Variants in DCPS observed in about 807,000 individuals in gnomAD.
The protein encoded by DCPS is decapping enzyme, scavenger.
Under a neutral mutation model 34.7 loss-of-function variants are expected in DCPS, and 27 were observed. The ratio of observed to expected loss-of-function variants is 0.78; its 90% confidence interval spans 0.57 to 1.07. DCPS has a LOEUF of 1.07. Ranked by LOEUF, DCPS falls within the 50% of genes least tolerant of loss-of-function variation. DCPS has a pLI of 0.00. For synonymous variants in DCPS, 185 were observed against 185.7 expected (o/e 1.00, Z 0.03); for missense variants, 464 against 436.9 (o/e 1.06, Z -0.55).
chr11:126,308,326 A>G (rs1008186841), intron 2 of DCPS, among the ~76,000 whole-genome samples: 2 of 152,204 alleles, frequency 1.3e-5, no homozygotes, highest in African/African-American at 4.8e-5. Flanking sequence ...TTTGCCCTCC[A>G]GCATTTAAGA....
Position 126,342,765 on chromosome 11 carries a change from G to A in DCPS, c.637-542G>A, listed in dbSNP as rs777063874. Among the ~76,000 whole-genome samples the A allele has an allele frequency of 3.3e-5, 5 of 152,036 alleles. No individual in the cohort carries two copies. The highest frequency in any genetic ancestry group is 2.1e-4 in the South Asian group (1 of 4,802). On this transcript the variant is annotated intron_variant, in intron 4 of 5. Transcript: ENST00000263579. The surrounding 1 kb of genome is among the most constrained non-coding windows in gnomAD (Gnocchi z 4.4). ...CTTGAACCTCCTGGCTCCCTGCCCCGACAGCTCTGGGGAGTGAGCATATAG... is the reference window on the plus strand; with the variant it reads ...CTTGAACCTCCTGGCTCCCTGCCCCAACAGCTCTGGGGAGTGAGCATATAG...
At chr11:126,330,332 A>G (rs1951773118) in intron 2 of DCPS, among the ~76,000 whole-genome samples, 1 of 152,316 alleles carries the variant, frequency 6.6e-6, no homozygotes, top group South Asian at 2.1e-4. Flanking sequence ...AGAATTATCC[A>G]GGCCAAAATG....
chr11:126,343,565 T>C (rs1951894502), intron 5 of DCPS, 148 bp downstream of exon 5: 1 of 705,630 alleles, frequency 1.4e-6, no homozygotes, highest in Non-Finnish European at 2.4e-6. Flanking sequence ...CATTAGGCTC[T>C]TGAGGTTGAA....
rs948467160 is a variant in DCPS at position 126,312,530 on chromosome 11, G to A, written c.376+5786G>A. Among the ~76,000 whole-genome samples, 1 of 151,890 alleles carries A rather than the reference G, an allele frequency of 6.6e-6. No homozygotes were observed. Among genetic ancestry groups the A allele is most frequent in the East Asian group, 1.9e-4 (1 of 5,156 alleles). ...ATTTTTTTGTATTTTTAATAGAGATGGGTTTTCACCACGTTGGCCAGGCTG... is the reference window on the plus strand; with the variant it reads ...ATTTTTTTGTATTTTTAATAGAGATAGGTTTTCACCACGTTGGCCAGGCTG... On this transcript the variant is annotated intron_variant, in intron 2 of 5. Coordinates refer to ENST00000263579, the MANE Select transcript of DCPS (RefSeq NM_014026.6). This position sits in a 1 kb window ranked among gnomAD's most constrained non-coding sequence, Gnocchi z 5.1.
chr11:126,338,480 C>G lies in DCPS; in HGVS notation c.636+81C>G. ...GTCCTTCTGACTGCCCTCTTTCTCA[C>G]GCTGGCCTGTCTCTAAGCAGATTAT... On this transcript the variant is annotated intron_variant, in intron 4 of 5. Coordinates refer to ENST00000263579, the MANE Select transcript of DCPS (RefSeq NM_014026.6). This position sits in a 1 kb window ranked among gnomAD's most constrained non-coding sequence, Gnocchi z 5.4. 7.7e-7 allele frequency: 1 copy of G among 1,294,586 alleles called. No individual in the cohort carries two copies. Among genetic ancestry groups the G allele is most frequent in the Non-Finnish European group, 1.1e-6 (1 of 892,650 alleles). The allele number at this position is 1,294,586 out of a possible 1,614,324, so 80.2% of individuals were successfully genotyped here.
rs534588929 is a variant in DCPS, at chr11:126,322,106, G to T, written c.377-9299G>T. ...GAACATGATTTTTAAGATTGAAAGGGCTCAGCAATTACCTAGCACAATGGA... is the reference window on the plus strand; with the variant it reads ...GAACATGATTTTTAAGATTGAAAGGTCTCAGCAATTACCTAGCACAATGGA... On this transcript the variant is annotated intron_variant, in intron 2 of 5. Transcript: ENST00000263579. The surrounding 1 kb of genome is among the most constrained non-coding windows in gnomAD (Gnocchi z 4.2). Among the ~76,000 whole-genome samples, 3 of 152,214 alleles carry T rather than the reference G, an allele frequency of 2.0e-5. No homozygotes were observed. In the South Asian group the frequency reaches 6.2e-4, roughly 32 times the overall value.
Position 126,322,017 on chromosome 11 carries a change from G to A in DCPS, c.377-9388G>A, listed in dbSNP as rs1181507711. Among the ~76,000 whole-genome samples the A allele has an allele frequency of 6.6e-6, 1 of 152,118 alleles. No homozygotes were observed. The highest frequency in any genetic ancestry group is 1.9e-4 in the East Asian group (1 of 5,200). Reference sequence around the variant, plus strand: ...CCAAATGGGTGTTGCAGAAAGAAAAGGCAGAGAAAATGAAGAAGAAAGGTC... The same window carrying A: ...CCAAATGGGTGTTGCAGAAAGAAAAAGCAGAGAAAATGAAGAAGAAAGGTC... On this transcript the variant is annotated intron_variant, in intron 2 of 5. Transcript: ENST00000263579. This position sits in a 1 kb window ranked among gnomAD's most constrained non-coding sequence, Gnocchi z 4.2.
intron 2 of DCPS, among the ~76,000 whole-genome samples, chr11:126,309,887 C>T (rs971983064): frequency 6.6e-6 from 1 of 152,134 alleles, no homozygotes; most frequent in African/African-American, 2.4e-5. Context: ...CTTCCCAACC[C>T]CTTCTTCTTC....
At chr11:126,326,464 G>C (rs1185264129) in intron 2 of DCPS, among the ~76,000 whole-genome samples, 1 of 152,174 alleles carries the variant, frequency 6.6e-6, no homozygotes, top group Non-Finnish European at 1.5e-5. Context: ...ACCCGTTCAT[G>C]TTGGTCATAA....
chr11:126,328,837 C>G lies in DCPS; in HGVS notation c.377-2568C>G, dbSNP rs1239351533. Among the ~76,000 whole-genome samples the G allele has an allele frequency of 6.6e-6, 1 of 152,212 alleles. No individual in the cohort carries two copies. The highest frequency in any genetic ancestry group is 1.9e-4 in the East Asian group (1 of 5,198). ...GCGCTTTTCTCCATGTGAGGCACTTCCTGAATCTTTCCTTCTACTGACTCG... is the reference window on the plus strand; with the variant it reads ...GCGCTTTTCTCCATGTGAGGCACTTGCTGAATCTTTCCTTCTACTGACTCG... On this transcript the variant is annotated intron_variant, in intron 2 of 5. Coordinates refer to ENST00000263579, the MANE Select transcript of DCPS (RefSeq NM_014026.6). This position sits in a 1 kb window ranked among gnomAD's most constrained non-coding sequence, Gnocchi z 6.6.
chr11:126,332,173 C>T lies in DCPS; in HGVS notation c.522+623C>T, dbSNP rs1205860013. Among the ~76,000 whole-genome samples the T allele has an allele frequency of 6.6e-6, 1 of 152,180 alleles. No homozygotes were observed. Among genetic ancestry groups the T allele is most frequent in the African/African-American group, 2.4e-5 (1 of 41,436 alleles). Reference sequence around the variant, plus strand: ...GGAAAAACTCTTCCCTCACCGACTCCCCCTTGCATTCGTCCAAAAGAAGGC... The same window carrying T: ...GGAAAAACTCTTCCCTCACCGACTCTCCCTTGCATTCGTCCAAAAGAAGGC... On this transcript the variant is annotated intron_variant, in intron 3 of 5. Transcript: ENST00000263579. The surrounding 1 kb of genome is among the most constrained non-coding windows in gnomAD (Gnocchi z 5.4).
In DCPS at chr11:126,312,229, C is replaced by G. The variant is rs1157572065; in HGVS notation, c.376+5485C>G. On this transcript the variant is annotated intron_variant, in intron 2 of 5. Coordinates refer to ENST00000263579, the MANE Select transcript of DCPS (RefSeq NM_014026.6). This position sits in a 1 kb window ranked among gnomAD's most constrained non-coding sequence, Gnocchi z 5.1. Reference sequence around the variant, plus strand: ...TACAGGCGTGAGCCACCGCATCTGGCCAGAAGTGAAACTTTAAACAATGCT... The same window carrying G: ...TACAGGCGTGAGCCACCGCATCTGGGCAGAAGTGAAACTTTAAACAATGCT... Among the ~76,000 whole-genome samples, 1 of 152,178 alleles carries G rather than the reference C, an allele frequency of 6.6e-6. No individual in the cohort carries two copies. The highest frequency in any genetic ancestry group is 1.5e-5 in the Non-Finnish European group (1 of 68,034).
chr11:126,336,159 C>T lies in DCPS; in HGVS notation c.523-2127C>T, dbSNP rs1951831179. Among the ~76,000 whole-genome samples the T allele has an allele frequency of 6.6e-6, 1 of 151,702 alleles. No individual in the cohort carries two copies. The highest frequency in any genetic ancestry group is 6.6e-5 in the Admixed American group (1 of 15,212). On this transcript the variant is annotated intron_variant, in intron 3 of 5. Coordinates refer to ENST00000263579, the MANE Select transcript of DCPS (RefSeq NM_014026.6). The surrounding 1 kb of genome is among the most constrained non-coding windows in gnomAD (Gnocchi z 6.3). ...ATGGCGACAATGATAGCAGCCACCT[C>T]TCAGGGTTGCTGTGACGCTGAGAGC...
intron 2 of DCPS, among the ~76,000 whole-genome samples, chr11:126,324,598 A>G (rs1951727659): frequency 6.9e-6 from 1 of 144,982 alleles, no homozygotes; most frequent in African/African-American, 2.6e-5. Context: ...GACTACAGGC[A>G]TGCACCACCA....
chr11:126,312,118 A>G lies in DCPS; in HGVS notation c.376+5374A>G, dbSNP rs985615628. On this transcript the variant is annotated intron_variant, in intron 2 of 5. Coordinates refer to ENST00000263579, the MANE Select transcript of DCPS (RefSeq NM_014026.6). This position sits in a 1 kb window ranked among gnomAD's most constrained non-coding sequence, Gnocchi z 5.1. Reference sequence around the variant, plus strand: ...GCTAATTTTTGTGTTTTTAGTAGAGATGGGGTTTCACCACATTGGCCAGGC... The same window carrying G: ...GCTAATTTTTGTGTTTTTAGTAGAGGTGGGGTTTCACCACATTGGCCAGGC... Among the ~76,000 whole-genome samples, 6 of 151,606 alleles carry G rather than the reference A, an allele frequency of 4.0e-5. No homozygotes were observed. Among genetic ancestry groups the G allele is most frequent in the African/African-American group, 1.5e-4 (6 of 41,216 alleles).
Position 126,348,271 on chromosome 11 carries a change from C to G in DCPS, c.*2658C>G, listed in dbSNP as rs925213497. Among the ~76,000 whole-genome samples, 1 of 152,178 alleles carries G rather than the reference C, an allele frequency of 6.6e-6. No individual in the cohort carries two copies. The highest frequency in any genetic ancestry group is 1.5e-5 in the Non-Finnish European group (1 of 68,032). On this transcript the variant is annotated 3_prime_UTR_variant, in exon 6 of 6. Coordinates refer to ENST00000263579, the MANE Select transcript of DCPS (RefSeq NM_014026.6). This position sits in a 1 kb window ranked among gnomAD's most constrained non-coding sequence, Gnocchi z 5.3. ...CTGGCCAGTTCTGTCTTCCTTCTGC[C>G]CACTCTGTGGGGAGGAGCCTCTCTG... is the stretch of plus-strand genomic sequence containing the variant.
rs1297232112 is a variant in DCPS at position 126,313,321 on chromosome 11, C to T, written c.376+6577C>T. On this transcript the variant is annotated intron_variant, in intron 2 of 5. Coordinates refer to ENST00000263579, the MANE Select transcript of DCPS (RefSeq NM_014026.6). The surrounding 1 kb of genome is among the most constrained non-coding windows in gnomAD (Gnocchi z 4.9). Reference sequence around the variant, plus strand: ...CCCTGTGCTATTTGCAGAGGCAAAACCCGGACCTCCTGAGGGAGGGGTGAG... The same window carrying T: ...CCCTGTGCTATTTGCAGAGGCAAAATCCGGACCTCCTGAGGGAGGGGTGAG... Among the ~76,000 whole-genome samples, 1 of 152,172 alleles carries T rather than the reference C, an allele frequency of 6.6e-6. No individual in the cohort carries two copies. The highest frequency in any genetic ancestry group is 2.4e-5 in the African/African-American group (1 of 41,424).
chr11:126,327,087 A>T lies in DCPS; in HGVS notation c.377-4318A>T, dbSNP rs1396454328. Among the ~76,000 whole-genome samples the T allele has an allele frequency of 6.6e-6, 1 of 152,202 alleles. No individual in the cohort carries two copies. The highest frequency in any genetic ancestry group is 1.9e-4 in the East Asian group (1 of 5,198). On this transcript the variant is annotated intron_variant, in intron 2 of 5. Transcript: ENST00000263579. This position sits in a 1 kb window ranked among gnomAD's most constrained non-coding sequence, Gnocchi z 4.1. ...TTCCCATTCGTATGAGACTTCTGTGACATACAGTCCATAGTTAAGTTGTGC... is the reference window on the plus strand; with the variant it reads ...TTCCCATTCGTATGAGACTTCTGTGTCATACAGTCCATAGTTAAGTTGTGC...
Position 126,334,145 on chromosome 11 carries a change from G to A in DCPS, c.522+2595G>A, listed in dbSNP as rs1188660258. Among the ~76,000 whole-genome samples the A allele has an allele frequency of 2.6e-5, 4 of 152,054 alleles. No homozygotes were observed. Among genetic ancestry groups the A allele is most frequent in the Non-Finnish European group, 5.9e-5 (4 of 68,022 alleles). On this transcript the variant is annotated intron_variant, in intron 3 of 5. Coordinates refer to ENST00000263579, the MANE Select transcript of DCPS (RefSeq NM_014026.6). The surrounding 1 kb of genome is among the most constrained non-coding windows in gnomAD (Gnocchi z 5.5). ...GGATGGGGCTTAGCAACTGATTGAC[G>A]TGCAGAGGGGAGGGAAGAGGTTGGG...
Sources: gnomAD v4.1 joint callset for allele counts (sites outside exome capture counted in the v4.1 genomes callset) on GRCh38, gnomAD v4.1.1 for gene constraint, Gnocchi (gnomAD v3.1) non-coding constraint, MANE v1.5 for transcripts, NCBI Gene and HGNC (gene_info 2026-07-23, HGNC 2026-07-21) for gene names.